SLC2A13: variants seen among roughly 807,000 people sequenced by gnomAD.
SLC2A13 encodes proton myo-inositol cotransporter.
In SLC2A13, 32 loss-of-function variants were observed where a neutral mutation model predicts 64.4. The observed-to-expected ratio is 0.50, with a 90% CI of 0.37 to 0.67. The LOEUF is 0.67. Among genes scored for constraint, SLC2A13 ranks in the 30% least tolerant of loss-of-function variants. The pLI, the probability that SLC2A13 is intolerant of heterozygous loss-of-function variation, is 0.00. For synonymous variants in SLC2A13, 338 were observed against 327.1 expected, an observed-to-expected ratio of 1.03 and a Z score of -0.36; for missense variants, 743 against 829.2, an observed-to-expected ratio of 0.90 and a Z score of 1.28.
rs149731917 is a variant in SLC2A13, at chr12:39,794,466, C to T, written c.1446-29608G>A. On this transcript the variant is annotated intron_variant, in intron 7 of 9. Coordinates refer to ENST00000280871, the MANE Select transcript of SLC2A13 (RefSeq NM_052885.4). ...TTTCCCCATACATAATTAACTATAA[C>T]GCAATTTGATGTATAAAATAGACTG... is the stretch of plus-strand genomic sequence containing the variant. 4.9e-4 allele frequency among the ~76,000 whole-genome samples: 75 copies of T among 152,226 alleles called. 1 individual carries two copies. The East Asian group carries it at 6.2e-3, about 13-fold the overall frequency.
intron 7 of SLC2A13, among the ~76,000 whole-genome samples, chr12:39,817,664 T>G (rs118081758): frequency 0.019 from 2,948 of 152,336 alleles, 39 homozygotes; most frequent in Non-Finnish European, 0.032. Flanking sequence ...TAACTACTAT[T>G]TCAGTTAGTA....
rs11272834 is a variant in SLC2A13, at chr12:39,820,717, TTATATATATATATATATATATA to T, written c.1445+9364_1445+9385del. On this transcript the variant is annotated intron_variant, in intron 7 of 9. Transcript: ENST00000280871. The stretch of plus-strand genomic sequence containing the variant: ...TAATCTTCGGCTTAAATTTTTAAAT[TTATATATATATATATATATATA>T]TATATATATATATATATATATATAT... Among the ~76,000 whole-genome samples the T allele has an allele frequency of 8.6e-3, 1,135 of 132,540 alleles. 10 individuals are homozygous for T. The highest frequency in any genetic ancestry group is 0.018 in the Middle Eastern group (4 of 226). 87.0% of individuals were successfully genotyped at this position (132,540 alleles called of 152,430 possible). A position where few individuals can be genotyped will look rare whatever the true frequency, so the allele number is the denominator to read the frequency against.
At chr12:39,901,395 T>A in intron 4 of SLC2A13, among the ~76,000 whole-genome samples, 1 of 148,066 alleles carries the variant, frequency 6.8e-6, no homozygotes. Context: ...ACCATCAGAG[T>A]GAACAGACAA....
At chr12:39,927,953 A>C (rs1033899858) in intron 4 of SLC2A13, among the ~76,000 whole-genome samples, 3 of 152,208 alleles carry the variant, frequency 2.0e-5, no homozygotes, top group African/African-American at 7.2e-5. Flanking sequence ...ACTGGAACCC[A>C]AAACATTAAA....
intron 7 of SLC2A13, among the ~76,000 whole-genome samples, chr12:39,789,335 T>C (rs1228540687): frequency 6.6e-6 from 1 of 152,192 alleles, no homozygotes; most frequent in Admixed American, 6.5e-5. Context: ...TTGTTTAATT[T>C]CTTAATATTA....
chr12:39,970,071 T>G, intron 3 of SLC2A13, among the ~76,000 whole-genome samples: 1 of 152,212 alleles, frequency 6.6e-6, no homozygotes, highest in Non-Finnish European at 1.5e-5. Flanking sequence ...TTTCCCCATT[T>G]CTTGCTTTCA....
chr12:39,963,479 T>C (rs1056538820), intron 3 of SLC2A13, among the ~76,000 whole-genome samples: 2 of 152,172 alleles, frequency 1.3e-5, no homozygotes, highest in African/African-American at 4.8e-5. Flanking sequence ...TTACTAACAA[T>C]ACACTAGGCA....
At position 40,092,667 on chromosome 12, in the gene SLC2A13, T is replaced by C. The variant is rs1187654253; in HGVS notation, c.556+12586A>G. Among the ~76,000 whole-genome samples the C allele has an allele frequency of 1.7e-4, 26 of 152,230 alleles. 1 individual carries two copies. The stretch of plus-strand genomic sequence containing the variant: ...AATAGCTACCTAGTGAAATGTATTA[T>C]AGAATCTGAAACGTGGATTGGCTGC... On this transcript the variant is annotated intron_variant, in intron 1 of 9. Coordinates refer to ENST00000280871, the MANE Select transcript of SLC2A13 (RefSeq NM_052885.4).
chr12:39,969,312 C>G (rs1214095039), intron 3 of SLC2A13, among the ~76,000 whole-genome samples: 1 of 152,116 alleles, frequency 6.6e-6, no homozygotes, highest in Non-Finnish European at 1.5e-5. Context: ...TGGGTATATA[C>G]CCAGTAATGG....
intron 6 of SLC2A13, among the ~76,000 whole-genome samples, chr12:39,837,615 A>G (rs1257812211): frequency 2.0e-5 from 3 of 148,678 alleles, no homozygotes; most frequent in East Asian, 3.9e-4. Flanking sequence ...AATATCCAGA[A>G]TCTACAATGA....
At chr12:39,799,091 T>A (rs1008867387) in intron 7 of SLC2A13, among the ~76,000 whole-genome samples, 1 of 147,676 alleles carries the variant, frequency 6.8e-6, no homozygotes, top group African/African-American at 2.5e-5. Context: ...CTTTTTTTTT[T>A]TTTTTAGACT....
rs560832318 is a variant in SLC2A13, at chr12:39,946,883, C to T, written c.1034+4374G>A. 1.4e-4 allele frequency among the ~76,000 whole-genome samples: 21 copies of T among 152,270 alleles called. No individual in the cohort carries two copies. In the Middle Eastern group the frequency reaches 0.01, roughly 74 times the overall value. ...TCCCTTATGGCCAGGAGGCTTCTTG[C>T]CCCATTCAAATTGTTACCAAGTTCA... is the stretch of plus-strand genomic sequence containing the variant. On this transcript the variant is annotated intron_variant, in intron 4 of 9. Coordinates refer to ENST00000280871, the MANE Select transcript of SLC2A13 (RefSeq NM_052885.4).
At chr12:40,010,349 T>C (rs1947506788) in intron 3 of SLC2A13, among the ~76,000 whole-genome samples, 1 of 152,204 alleles carries the variant, frequency 6.6e-6, no homozygotes, top group Non-Finnish European at 1.5e-5. Context: ...TATTGATTAT[T>C]AGGGAAAGTC....
At chr12:39,822,038 T>C (rs1942531209) in intron 7 of SLC2A13, among the ~76,000 whole-genome samples, 1 of 151,118 alleles carries the variant, frequency 6.6e-6, no homozygotes, top group Non-Finnish European at 1.5e-5. Context: ...CATCTAGCAT[T>C]AGGTATATCT....
At chr12:40,056,395 C>T (rs116636837) in intron 1 of SLC2A13, among the ~76,000 whole-genome samples, 2,034 of 152,060 alleles carry the variant, frequency 0.013, 37 homozygotes, top group African/African-American at 0.046. Context: ...AAGAAATTTC[C>T]TAAAATAGAT....
At chr12:40,051,908 TC>T (rs2136241036) in intron 1 of SLC2A13, among the ~76,000 whole-genome samples, 1 of 152,286 alleles carries the variant, frequency 6.6e-6, no homozygotes, top group African/African-American at 2.4e-5. Flanking sequence ...ACTAGATCAT[TC>T]TAGTTGGAGT....
chr12:40,014,064 G>C (rs1191506293), intron 3 of SLC2A13, among the ~76,000 whole-genome samples: 2 of 152,056 alleles, frequency 1.3e-5, no homozygotes, highest in African/African-American at 2.4e-5. Flanking sequence ...ATCTTATCTA[G>C]TACATTATAA....
chr12:40,082,773 T>C (rs1938455470), intron 1 of SLC2A13, among the ~76,000 whole-genome samples: 2 of 152,128 alleles, frequency 1.3e-5, no homozygotes, highest in Admixed American at 1.3e-4. Flanking sequence ...CCATAGGGGT[T>C]ATGGGGTCTC....
chr12:40,052,635 T>A (rs1397013200), intron 1 of SLC2A13, among the ~76,000 whole-genome samples: 1 of 152,108 alleles, frequency 6.6e-6, no homozygotes, highest in African/African-American at 2.4e-5. Flanking sequence ...TCAAGAGAAA[T>A]AAGTTAAGAG....
Sources: gnomAD v4.1 joint callset for allele counts (sites outside exome capture counted in the v4.1 genomes callset) on GRCh38, gnomAD v4.1.1 for gene constraint, MANE v1.5 for transcripts, NCBI Gene and HGNC (gene_info 2026-07-23, HGNC 2026-07-21) for gene names.